SLC7A1: variants seen among roughly 807,000 people sequenced by gnomAD.
The protein encoded by SLC7A1 is solute carrier family 7 member 1.
SLC7A1 carries 10 observed loss-of-function variants against 53.9 expected under a neutral mutation model. The ratio of observed to expected loss-of-function variants is 0.19; its 90% CI spans 0.11 to 0.31. The LOEUF (loss-of-function observed/expected upper bound fraction) is 0.31, where lower values mean the gene tolerates loss of function less well. SLC7A1 is among the 10% of genes least tolerant of loss of function. The probability of loss-of-function intolerance (pLI) is 1.00; values close to 1 mark genes in which losing one functional copy is unlikely to be tolerated. For synonymous variants in SLC7A1, 342 were observed against 338.7 expected, an observed-to-expected ratio of 1.01 and a Z score of -0.11; for missense variants, 525 against 827.2, an observed-to-expected ratio of 0.63 and a Z score of 4.48.
chr13:29,516,087 AC>A (rs764047761), intron 12 of SLC7A1, 50 bp downstream of exon 12: 12 of 1,102,228 alleles, frequency 1.1e-5, no homozygotes, highest in Non-Finnish European at 1.5e-5. Context: ...AACAAGGGAG[AC>A]CCCCAGGGGA....
In SLC7A1 at chr13:29,524,200, G is replaced by C; in HGVS notation, c.758C>G (p.Ser253Cys). The C allele has an allele frequency of 1.2e-6, 2 of 1,614,200 alleles. No individual in the cohort carries two copies. The highest frequency in any genetic ancestry group is 1.7e-6 in the Non-Finnish European group (2 of 1,180,016). ...AGTCGCTGCCCCCGACAGGACACCA[G>C]AGAACCCGAAGGGCATGAATCCACC... Reference protein sequence around the residue: ...GVGGFMPFGFSGVLSGAATCF... With the variant: ...GVGGFMPFGFCGVLSGAATCF... The change falls in exon 6 of 13, where the codon TCT becomes TGT. Residue 253 changes from serine (S) to cysteine (C), a missense_variant. Ser to Cys is a moderately radical substitution (Grantham distance 112). This residue lies in a region of SLC7A1 where 354 missense variants were observed against 587.5 expected (regional missense o/e 0.60). Coordinates refer to ENST00000380752, the MANE Select transcript of SLC7A1 (RefSeq NM_003045.5).
At chr13:29,518,966 T>C (rs1734589490) in intron 9 of SLC7A1, among the ~76,000 whole-genome samples, 1 of 151,926 alleles carries the variant, frequency 6.6e-6, no homozygotes, top group Non-Finnish European at 1.5e-5. Flanking sequence ...TCTCTGAACA[T>C]CAACCTAGGG....
At chr13:29,516,776 G>C (rs558645916) in intron 11 of SLC7A1, 16 of 193,116 alleles carry the variant, frequency 8.3e-5, no homozygotes, top group African/African-American at 2.1e-4. Context: ...CCTTGATACT[G>C]TCTGGGGAAG....
chr13:29,542,345 C>T (rs1869701534), intron 2 of SLC7A1, among the ~76,000 whole-genome samples: 1 of 152,074 alleles, frequency 6.6e-6, no homozygotes, highest in Non-Finnish European at 1.5e-5. Context: ...ATCCCAGCTA[C>T]CCGGGAGGCT....
At chr13:29,539,621 C>T (rs1013554133) in intron 2 of SLC7A1, among the ~76,000 whole-genome samples, 13 of 152,172 alleles carry the variant, frequency 8.5e-5, no homozygotes, top group Non-Finnish European at 1.5e-4. Context: ...AGGTACGCAG[C>T]GGCCCGTTTT....
intron 1 of SLC7A1, among the ~76,000 whole-genome samples, chr13:29,585,656 C>T (rs1259592660): frequency 6.6e-6 from 1 of 152,056 alleles, no homozygotes; most frequent in Non-Finnish European, 1.5e-5. Context: ...AAAGGCTTTC[C>T]CAGCACCGGG....
At chr13:29,591,916 T>C (rs1421772558) in intron 1 of SLC7A1, among the ~76,000 whole-genome samples, 2 of 152,260 alleles carry the variant, frequency 1.3e-5, no homozygotes, top group African/African-American at 2.4e-5. Flanking sequence ...TGTAAATGCA[T>C]GGACTTGGTG....
intron 2 of SLC7A1, among the ~76,000 whole-genome samples, chr13:29,549,712 T>C (rs982863349): frequency 2.0e-5 from 3 of 152,244 alleles, no homozygotes; most frequent in African/African-American, 7.2e-5. Context: ...TAGCCCAGGC[T>C]GGAGTGCAGG....
At position 29,514,271 on chromosome 13, in the gene SLC7A1, C is replaced by G. The variant is rs1389791198; in HGVS notation, c.*209G>C. The G allele has an allele frequency of 1.8e-6, 1 of 565,782 alleles. No individual in the cohort carries two copies. Among genetic ancestry groups the G allele is most frequent in the Non-Finnish European group, 3.2e-6 (1 of 315,318 alleles). The allele number at this position is 565,782 out of a possible 1,614,324, so 35.0% of individuals were successfully genotyped here. A position where few individuals can be genotyped will look rare whatever the true frequency, so the allele number is the denominator to read the frequency against. ...CCGCAGCCTAGTGGCCCCGGCCAGGCAGCTGTCTGGAGGTGACCAGGGCCC... is the reference window on the plus strand; with the variant it reads ...CCGCAGCCTAGTGGCCCCGGCCAGGGAGCTGTCTGGAGGTGACCAGGGCCC... On this transcript the variant is annotated 3_prime_UTR_variant, in exon 13 of 13. Transcript: ENST00000380752.
intron 1 of SLC7A1, among the ~76,000 whole-genome samples, chr13:29,556,276 A>C (rs1248872761): frequency 6.6e-6 from 1 of 152,178 alleles, no homozygotes; most frequent in Non-Finnish European, 1.5e-5. Flanking sequence ...GTTCTGGAAA[A>C]TAGCTATTTT....
chr13:29,579,854 G>A (rs552395254), intron 1 of SLC7A1, among the ~76,000 whole-genome samples: 13 of 152,182 alleles, frequency 8.5e-5, no homozygotes, highest in Non-Finnish European at 1.8e-4. Flanking sequence ...TGGTCGAACC[G>A]GTGCCCTGCT....
At position 29,514,478 on chromosome 13, in the gene SLC7A1, C is replaced by T. The variant is rs1304883376; in HGVS notation, c.*2G>A. 11 of 1,605,832 alleles carry T rather than the reference C, an allele frequency of 6.9e-6. No homozygotes were observed. Among genetic ancestry groups the T allele is most frequent in the Middle Eastern group, 1.7e-4 (1 of 6,036 alleles). On this transcript the variant is annotated 3_prime_UTR_variant, in exon 13 of 13. Transcript: ENST00000380752. ...GCCACCTCCGGGGGGCGGGGCTGTG[C>T]GTCACTTGCACTGGTCCAAGTTGCC...
At chr13:29,568,153 C>T (rs1466432830) in intron 1 of SLC7A1, among the ~76,000 whole-genome samples, 2 of 152,160 alleles carry the variant, frequency 1.3e-5, no homozygotes, top group African/African-American at 2.4e-5. Flanking sequence ...ACATCTAAAA[C>T]GTGGGATAAT....
At chr13:29,583,772 T>A (rs998381931) in intron 1 of SLC7A1, among the ~76,000 whole-genome samples, 5 of 152,170 alleles carry the variant, frequency 3.3e-5, no homozygotes, top group African/African-American at 1.2e-4. Flanking sequence ...TCTAATTGTA[T>A]CAAACTCTGA....
At chr13:29,557,697 G>T (rs961626467) in intron 1 of SLC7A1, among the ~76,000 whole-genome samples, 1 of 137,226 alleles carries the variant, frequency 7.3e-6, no homozygotes, top group African/African-American at 2.8e-5. Flanking sequence ...TATGAGTGGG[G>T]GGGAGTGAAT....
chr13:29,569,243 C>A (rs1871094286), intron 1 of SLC7A1, among the ~76,000 whole-genome samples: 1 of 152,118 alleles, frequency 6.6e-6, no homozygotes, highest in African/African-American at 2.4e-5. Context: ...ACCCTCTCTG[C>A]GGGCTGTCTC....
intron 2 of SLC7A1, among the ~76,000 whole-genome samples, chr13:29,546,647 C>G (rs1241607887): frequency 1.3e-5 from 2 of 152,180 alleles, no homozygotes; most frequent in African/African-American, 2.4e-5. Flanking sequence ...CCTGGGAACA[C>G]CTTAATCCAT....
intron 9 of SLC7A1, 147 bp from the exon 10 acceptor site, chr13:29,517,937 A>G: frequency 1.5e-6 from 1 of 658,956 alleles, no homozygotes. Flanking sequence ...TGCATTGTAG[A>G]TAGACGAGGA....
In SLC7A1 at chr13:29,530,632, T is replaced by C. The variant is rs1869104896; in HGVS notation, c.610A>G (p.Ile204Val). 1.2e-6 allele frequency: 2 copies of C among 1,614,004 alleles called. No individual in the cohort carries two copies. Among genetic ancestry groups the C allele is most frequent in the Non-Finnish European group, 1.7e-6 (2 of 1,179,994 alleles). Residue 204 changes from isoleucine (I) to valine (V), a missense_variant, in exon 5 of 13, where the codon ATA becomes GTA. Transcript: ENST00000380752. ...CCTTTCACAAATCCTGACACCATTA[T>C]GAAGCCCAGGACCAGGACGTTAATA... The part of the protein sequence containing the change: ...TCINVLVLGF[I>V]MVSGFVKGSV...
Sources: allele counts gnomAD v4.1 joint callset (sites outside exome capture counted in the v4.1 genomes callset), GRCh38; gene constraint gnomAD v4.1.1; regional missense constraint gnomAD v4.1.1; transcripts MANE v1.5; gene names NCBI Gene and HGNC (gene_info 2026-07-23, HGNC 2026-07-21).